CNTNAP5: variants seen among roughly 807,000 people sequenced by gnomAD.
The protein encoded by CNTNAP5 is contactin-associated protein-like 5.
A neutral mutation model predicts 150.2 loss-of-function variants in CNTNAP5; 72 were observed. That is an observed-to-expected ratio of 0.48 (90% confidence interval 0.40 to 0.58). CNTNAP5 has a LOEUF of 0.58. Ranked by LOEUF, CNTNAP5 falls within the 20% of genes least tolerant of loss-of-function variation. The pLI is 0.00. For missense variants in CNTNAP5, 1,636 were observed against 1,626.2 expected (o/e 1.01, Z -0.10); for synonymous variants, 672 against 619.8 (o/e 1.08, Z -1.25).
chr2:124,702,731 T>A (rs1346872964), intron 13 of CNTNAP5, among the ~76,000 whole-genome samples: 1 of 152,092 alleles, frequency 6.6e-6, no homozygotes, highest in Non-Finnish European at 1.5e-5. Flanking sequence ...TTTCCCATTA[T>A]GTAAAAGTAG....
intron 13 of CNTNAP5, among the ~76,000 whole-genome samples, chr2:124,651,646 GGCCAAGA>G (rs1678324997): frequency 6.6e-6 from 1 of 152,182 alleles, no homozygotes; most frequent in African/African-American, 2.4e-5. Flanking sequence ...TCACAAAAGC[GGCCAAGA>G]GCCAAGAGTT....
intron 3 of CNTNAP5, among the ~76,000 whole-genome samples, chr2:124,376,903 A>G (rs1430330639): frequency 2.0e-5 from 3 of 151,918 alleles, no homozygotes; most frequent in South Asian, 2.1e-4. Context: ...CTATTGATCT[A>G]TTTTCTTCAA....
At chr2:124,688,519 G>A (rs1444489728) in intron 13 of CNTNAP5, among the ~76,000 whole-genome samples, 2 of 152,086 alleles carry the variant, frequency 1.3e-5, no homozygotes, top group Admixed American at 6.6e-5. Flanking sequence ...CAGATAGAAT[G>A]ACGTAGAATT....
chr2:124,751,303 G>T (rs1282188235), intron 14 of CNTNAP5, among the ~76,000 whole-genome samples: 1 of 152,228 alleles, frequency 6.6e-6, no homozygotes, highest in East Asian at 1.9e-4. Context: ...CAAATATATT[G>T]GTGTGGTTGT....
At chr2:124,480,551 G>A (rs1437193853) in intron 7 of CNTNAP5, among the ~76,000 whole-genome samples, 1 of 152,120 alleles carries the variant, frequency 6.6e-6, no homozygotes, top group Non-Finnish European at 1.5e-5. Flanking sequence ...CGTAGTGACA[G>A]GCACCTTTAT....
At chr2:124,346,714 GTTGT>G (rs1689744218) in intron 3 of CNTNAP5, among the ~76,000 whole-genome samples, 1 of 151,938 alleles carries the variant, frequency 6.6e-6, no homozygotes, top group Non-Finnish European at 1.5e-5. Flanking sequence ...AAATTTTGAA[GTTGT>G]TTGATTACCG....
chr2:124,329,075 C>A lies in CNTNAP5; in HGVS notation c.381+86682C>A, dbSNP rs1262482294. 2.0e-5 allele frequency among the ~76,000 whole-genome samples: 3 copies of A among 152,078 alleles called. No homozygotes were observed. The East Asian group carries it at 5.8e-4, about 29-fold the overall frequency. ...TAAATGATTGCTAGGGGAAGTAAAT[C>A]GGCCCAAAGAGCAACATTTTGTAAC... is the stretch of plus-strand genomic sequence containing the variant. On this transcript the variant is annotated intron_variant, in intron 3 of 23. Coordinates refer to ENST00000682447, the MANE Select transcript of CNTNAP5 (RefSeq NM_001367498.1).
intron 22 of CNTNAP5, among the ~76,000 whole-genome samples, chr2:124,909,766 T>C (rs1308944836): frequency 6.8e-6 from 1 of 146,746 alleles, no homozygotes; most frequent in Non-Finnish European, 1.5e-5. Context: ...ATCTGCCCGC[T>C]CTCTCTCTGT....
At chr2:124,524,048 T>G (rs918428390) in intron 8 of CNTNAP5, among the ~76,000 whole-genome samples, 4 of 152,186 alleles carry the variant, frequency 2.6e-5, no homozygotes, top group Non-Finnish European at 5.9e-5. Context: ...CATTTTGTAT[T>G]TTTCCCTTTT....
Position 124,708,601 on chromosome 2 carries a change from T to G in CNTNAP5, c.2078-38628T>G, listed in dbSNP as rs536893997. On this transcript the variant is annotated intron_variant, in intron 13 of 23. Coordinates refer to ENST00000682447, the MANE Select transcript of CNTNAP5 (RefSeq NM_001367498.1). ...GAGGGATGGAAATTACAATGCCGTT[T>G]AGTGTTGTGACAGACATTGGCATTT... 1.1e-4 allele frequency among the ~76,000 whole-genome samples: 16 copies of G among 152,254 alleles called. No homozygotes were observed. The East Asian group carries it at 1.9e-3, about 18-fold the overall frequency.
intron 1 of CNTNAP5, among the ~76,000 whole-genome samples, chr2:124,048,600 A>G (rs1439650383): frequency 6.6e-6 from 1 of 152,204 alleles, no homozygotes; most frequent in Non-Finnish European, 1.5e-5. Context: ...GCCCTGTTGC[A>G]TTCATCATAC....
intron 22 of CNTNAP5, among the ~76,000 whole-genome samples, chr2:124,905,452 A>G (rs1340629645): frequency 6.6e-6 from 1 of 152,132 alleles, no homozygotes; most frequent in African/African-American, 2.4e-5. Flanking sequence ...CTTTCTTAAA[A>G]GTAGAAAAAA....
chr2:124,615,203 T>C (rs1400746579), intron 12 of CNTNAP5, among the ~76,000 whole-genome samples: 2 of 152,156 alleles, frequency 1.3e-5, no homozygotes, highest in Non-Finnish European at 2.9e-5. Context: ...ATAAAGAATG[T>C]CACATAATTG....
intron 7 of CNTNAP5, among the ~76,000 whole-genome samples, chr2:124,494,139 G>A (rs1053627498): frequency 1.3e-5 from 2 of 151,618 alleles, no homozygotes; most frequent in Non-Finnish European, 2.9e-5. Context: ...GATTCACATG[G>A]CTGTTAAGGC....
intron 6 of CNTNAP5, among the ~76,000 whole-genome samples, chr2:124,450,275 C>G (rs1692933627): frequency 6.6e-6 from 1 of 151,398 alleles, no homozygotes; most frequent in Admixed American, 6.6e-5. Flanking sequence ...TATATATACT[C>G]TGATATATAC....
chr2:124,027,901 C>G (rs1223771527), intron 1 of CNTNAP5, among the ~76,000 whole-genome samples: 3 of 152,140 alleles, frequency 2.0e-5, no homozygotes, highest in African/African-American at 7.2e-5. Context: ...GTCTTCATAA[C>G]CTATGATGCA....
intron 6 of CNTNAP5, among the ~76,000 whole-genome samples, chr2:124,470,144 C>T (rs1693474207): frequency 6.6e-6 from 1 of 152,162 alleles, no homozygotes; most frequent in Admixed American, 6.5e-5. Context: ...TTTGAGGAAT[C>T]ACCACACTGT....
intron 3 of CNTNAP5, among the ~76,000 whole-genome samples, chr2:124,416,327 T>C (rs993766106): frequency 2.0e-5 from 3 of 151,060 alleles, no homozygotes; most frequent in Non-Finnish European, 4.4e-5. Context: ...GCTGGGTTGA[T>C]AGCATTTTAC....
chr2:124,293,322 A>G (rs1688347824), intron 3 of CNTNAP5, among the ~76,000 whole-genome samples: 1 of 152,140 alleles, frequency 6.6e-6, no homozygotes, highest in Non-Finnish European at 1.5e-5. Context: ...GATTCCAAGT[A>G]CTGGAATTTC....
Sources: allele counts gnomAD v4.1 joint callset (sites outside exome capture counted in the v4.1 genomes callset), GRCh38; gene constraint gnomAD v4.1.1; transcripts MANE v1.5; gene names NCBI Gene and HGNC (gene_info 2026-07-23, HGNC 2026-07-21).